The following SPATA17 variants were observed in gnomAD, a reference collection of about 807,000 sequenced individuals.
SPATA17 encodes spermatogenesis-associated protein 17.
Under a neutral mutation model 62.2 loss-of-function variants are expected in SPATA17, and 53 were observed. The ratio of observed to expected loss-of-function variants is 0.85; its 90% CI spans 0.68 to 1.07. The LOEUF (loss-of-function observed/expected upper bound fraction) is 1.07. SPATA17 is among the 50% of genes least tolerant of loss of function. The pLI is 0.00. For missense variants in SPATA17, 466 were observed against 425.5 expected (o/e 1.10, Z -0.84); for synonymous variants, 146 against 146.8 (o/e 0.99, Z 0.04).
intron 6 of SPATA17, among the ~76,000 whole-genome samples, chr1:217,742,573 ATCT>A (rs1428293510): frequency 1.3e-5 from 2 of 152,230 alleles, no homozygotes; most frequent in Non-Finnish European, 2.9e-5. Flanking sequence ...CAGGAATTAC[ATCT>A]TCTTATAGAA....
At chr1:217,804,817 G>A (rs1674395498) in intron 9 of SPATA17, among the ~76,000 whole-genome samples, 1 of 152,282 alleles carries the variant, frequency 6.6e-6, no homozygotes, top group South Asian at 2.1e-4. Flanking sequence ...TCAGGGAAAT[G>A]CAAACAGAAA....
chr1:217,783,128 A>G (rs1673771633), intron 8 of SPATA17, among the ~76,000 whole-genome samples: 2 of 150,700 alleles, frequency 1.3e-5, no homozygotes, highest in Non-Finnish European at 3.0e-5. Flanking sequence ...TAAAATTATA[A>G]TCATTTATTG....
intron 9 of SPATA17, among the ~76,000 whole-genome samples, chr1:217,811,710 A>AG (rs60692644): frequency 6.6e-6 from 1 of 150,818 alleles, no homozygotes; most frequent in Non-Finnish European, 1.5e-5. Context: ...AAAAAAAAAA[A>AG]CTATGTCTCT....
At chr1:217,646,605 C>T (rs1458634298) in intron 1 of SPATA17, among the ~76,000 whole-genome samples, 1 of 151,864 alleles carries the variant, frequency 6.6e-6, no homozygotes, top group Non-Finnish European at 1.5e-5. Flanking sequence ...GGTTAAAAAC[C>T]CAGCCTCTGA....
chr1:217,801,653 C>T, intron 8 of SPATA17, 65 bp from the exon 9 acceptor site: 9 of 1,393,052 alleles, frequency 6.5e-6, no homozygotes, highest in Non-Finnish European at 7.9e-6. Flanking sequence ...TCTACAAAGC[C>T]TTATTTTAAA....
intron 6 of SPATA17, among the ~76,000 whole-genome samples, chr1:217,748,389 T>A (rs1672818618): frequency 6.6e-6 from 1 of 152,054 alleles, no homozygotes; most frequent in South Asian, 2.1e-4. Flanking sequence ...GACAAATCTT[T>A]TTTAAAAAAA....
At chr1:217,785,669 G>A (rs4511186) in intron 8 of SPATA17, among the ~76,000 whole-genome samples, 64,529 of 151,952 alleles carry the variant, frequency 0.42, 15,365 homozygotes, top group Non-Finnish European at 0.55. Flanking sequence ...AAGGTAACAT[G>A]TTGAGGTACT....
At chr1:217,779,298 C>T (rs1329190564) in intron 7 of SPATA17, among the ~76,000 whole-genome samples, 1 of 151,266 alleles carries the variant, frequency 6.6e-6, no homozygotes, top group East Asian at 1.9e-4. Context: ...CACATATACT[C>T]CTGAATTACA....
At chr1:217,830,045 C>G (rs1338896241) in intron 9 of SPATA17, among the ~76,000 whole-genome samples, 1 of 151,986 alleles carries the variant, frequency 6.6e-6, no homozygotes, top group African/African-American at 2.4e-5. Flanking sequence ...CAAATATACA[C>G]AATAAAATTT....
intron 2 of SPATA17, among the ~76,000 whole-genome samples, chr1:217,650,514 T>C (rs1571705105): frequency 1.3e-5 from 2 of 152,186 alleles, no homozygotes; most frequent in South Asian, 2.1e-4. Flanking sequence ...CCTCCCTGGT[T>C]CAAGTGATTC....
At chr1:217,854,549 C>T (rs1209347656) in intron 9 of SPATA17, among the ~76,000 whole-genome samples, 3 of 152,152 alleles carry the variant, frequency 2.0e-5, no homozygotes, top group East Asian at 3.8e-4. Context: ...ACAAACAAGA[C>T]TGATACAACT....
At chr1:217,843,177 A>G (rs747417741) in intron 9 of SPATA17, among the ~76,000 whole-genome samples, 3 of 152,156 alleles carry the variant, frequency 2.0e-5, no homozygotes, top group African/African-American at 7.2e-5. Context: ...TAAAAAGAAT[A>G]CAGTTCTTGG....
intron 6 of SPATA17, among the ~76,000 whole-genome samples, chr1:217,745,983 C>T (rs1470067479): frequency 6.6e-6 from 1 of 152,090 alleles, no homozygotes; most frequent in Non-Finnish European, 1.5e-5. Context: ...GTAATTTTTA[C>T]AGCATGTCTT....
At chr1:217,810,342 C>G (rs1674556633) in intron 9 of SPATA17, among the ~76,000 whole-genome samples, 1 of 152,112 alleles carries the variant, frequency 6.6e-6, no homozygotes, top group South Asian at 2.1e-4. Context: ...TCTTGTTGGT[C>G]TCATGTATTA....
At chr1:217,718,597 A>G (rs1215890160) in intron 5 of SPATA17, among the ~76,000 whole-genome samples, 1 of 152,174 alleles carries the variant, frequency 6.6e-6, no homozygotes, top group East Asian at 1.9e-4. Flanking sequence ...TAGTACTAAG[A>G]GTATTCCTAC....
chr1:217,716,849 T>C (rs1003829183), intron 5 of SPATA17, among the ~76,000 whole-genome samples: 6 of 152,220 alleles, frequency 3.9e-5, no homozygotes, highest in Non-Finnish European at 8.8e-5. Context: ...TTAGCACCTA[T>C]CGTGTGCATG....
intron 6 of SPATA17, among the ~76,000 whole-genome samples, chr1:217,761,850 G>T (rs1049057429): frequency 5.9e-5 from 9 of 152,088 alleles, no homozygotes; most frequent in Non-Finnish European, 1.3e-4. Context: ...AATGCAGTAG[G>T]GTTGAATAGA....
chr1:217,711,804 A>G (rs888058914), intron 5 of SPATA17, among the ~76,000 whole-genome samples: 2 of 152,216 alleles, frequency 1.3e-5, no homozygotes, highest in Non-Finnish European at 2.9e-5. Flanking sequence ...TGGGACTATA[A>G]TACGTTTCCA....
At chr1:217,783,825 C>T (rs1179044353) in intron 8 of SPATA17, among the ~76,000 whole-genome samples, 1 of 151,836 alleles carries the variant, frequency 6.6e-6, no homozygotes, top group Non-Finnish European at 1.5e-5. Flanking sequence ...AATGTTATCC[C>T]CAAAGAAAGT....
Sources: allele counts gnomAD v4.1 joint callset (sites outside exome capture counted in the v4.1 genomes callset), GRCh38; gene constraint gnomAD v4.1.1; transcripts MANE v1.5; gene names NCBI Gene and HGNC (gene_info 2026-07-23, HGNC 2026-07-21).